Variants in CLVS1 observed in about 807,000 individuals in gnomAD.
The protein encoded by CLVS1 is clavesin 1, also known as clavesin-1.
CLVS1 carries 10 observed loss-of-function variants against 33.1 expected under a neutral mutation model. The observed-to-expected ratio is 0.30, with a 90% CI of 0.19 to 0.51. The LOEUF is 0.51. Ranked by LOEUF, CLVS1 falls within the 20% of genes least tolerant of loss-of-function variation. The pLI is 0.97. For missense variants in CLVS1, 343 were observed against 433.4 expected, an observed-to-expected ratio of 0.79 and a Z score of 1.85; for synonymous variants, 163 against 166.1, an observed-to-expected ratio of 0.98 and a Z score of 0.14.
chr8:61,041,027 G>A, the CLVS1 span, among the ~76,000 whole-genome samples: 2 of 152,018 alleles, frequency 1.3e-5, no homozygotes, highest in South Asian at 2.1e-4. Flanking sequence ...AAAGGTAGGG[G>A]TTCAGTTTCA....
At chr8:61,180,080 G>C (rs924369118) in intron 2 of CLVS1, among the ~76,000 whole-genome samples, 2 of 151,936 alleles carry the variant, frequency 1.3e-5, no homozygotes, top group African/African-American at 4.8e-5. Flanking sequence ...TAACAAAATA[G>C]ATAGACCACT....
chr8:61,399,438 G>A (rs1372638507), intron 3 of CLVS1, among the ~76,000 whole-genome samples: 1 of 151,958 alleles, frequency 6.6e-6, no homozygotes, highest in Non-Finnish European at 1.5e-5. Flanking sequence ...TGTAAATGCT[G>A]GACCTTTGTC....
intron 1 of CLVS1, among the ~76,000 whole-genome samples, chr8:61,108,217 C>CAAA (rs577723258): frequency 2.9e-5 from 2 of 69,072 alleles, no homozygotes; most frequent in East Asian, 4.0e-4. Flanking sequence ...GACTCCGTCT[C>CAAA]AAAAAAAAAA....
At chr8:60,987,074 C>T in the CLVS1 span, among the ~76,000 whole-genome samples, 4 of 152,198 alleles carry the variant, frequency 2.6e-5, no homozygotes, top group Non-Finnish European at 4.4e-5. Context: ...GACACAGTCC[C>T]TGCTCTCAGG....
intron 2 of CLVS1, among the ~76,000 whole-genome samples, chr8:61,302,469 T>C (rs968003707): frequency 2.0e-5 from 3 of 152,124 alleles, no homozygotes; most frequent in African/African-American, 7.2e-5. Flanking sequence ...GATGAGAACA[T>C]ACAATCCCTG....
chr8:61,259,408 A>T (rs375348263), intron 2 of CLVS1, among the ~76,000 whole-genome samples: 2 of 152,302 alleles, frequency 1.3e-5, no homozygotes, highest in East Asian at 3.9e-4. Flanking sequence ...AATTCCCAAA[A>T]CACAGCAGGT....
chr8:61,475,101 C>A (rs1252377091), intron 5 of CLVS1, among the ~76,000 whole-genome samples: 4 of 152,212 alleles, frequency 2.6e-5, no homozygotes, highest in Non-Finnish European at 5.9e-5. Context: ...CCAGCTTCAT[C>A]CATGTCCCTA....
intron 3 of CLVS1, among the ~76,000 whole-genome samples, chr8:61,416,546 G>A (rs544042333): frequency 1.3e-5 from 2 of 152,142 alleles, no homozygotes; most frequent in African/African-American, 4.8e-5. Flanking sequence ...ATGGGCATTA[G>A]CTCCATCAAA....
intron 2 of CLVS1, among the ~76,000 whole-genome samples, chr8:61,200,855 T>C (rs1414855523): frequency 6.6e-6 from 1 of 152,268 alleles, no homozygotes; most frequent in Non-Finnish European, 1.5e-5. Context: ...TTTGTTTTAC[T>C]CTTATTGATT....
chr8:61,458,212 A>G (rs1437292306), intron 4 of CLVS1, 95 bp from the exon 5 acceptor site: 2 of 857,584 alleles, frequency 2.3e-6, no homozygotes, highest in Non-Finnish European at 3.7e-6. Context: ...CCAGCAGTGC[A>G]TCCAATTTGT....
chr8:61,488,115 T>A (rs2016441), intron 5 of CLVS1, among the ~76,000 whole-genome samples: 83,251 of 152,044 alleles, frequency 0.55, 26,515 homozygotes, highest in Non-Finnish European at 0.71. Flanking sequence ...TTGGTAGTAG[T>A]AAAAAAGCTT....
intron 5 of CLVS1, among the ~76,000 whole-genome samples, chr8:61,486,584 G>C (rs935657206): frequency 6.6e-6 from 1 of 152,202 alleles, no homozygotes; most frequent in Non-Finnish European, 1.5e-5. Flanking sequence ...GTTGAATAAT[G>C]AAGTGTAGTG....
rs1300166395 is a variant in CLVS1, at chr8:61,156,291, G to A, written c.-152+24431G>A. On this transcript the variant is annotated intron_variant, in intron 2 of 2. Transcript: ENST00000522621. The stretch of plus-strand genomic sequence containing the variant: ...CATCACCTGGGTCTCCACCTCCCCC[G>A]AGAAGCTCTATGCCCCTATTCATTC... Among the ~76,000 whole-genome samples, 4 of 137,500 alleles carry A rather than the reference G, an allele frequency of 2.9e-5. No homozygotes were observed. In the East Asian group the frequency reaches 6.7e-4, roughly 23 times the overall value. The allele number at this position is 137,500 out of a possible 152,430, so 90.2% of individuals were successfully genotyped here.
rs543234622 is a variant in CLVS1, at chr8:61,178,676, G to C, written c.-152+46816G>C. ...AGCAGAAACCCTACAAGCCAGAAGA[G>C]AGTGAGGGCCAATATTCAACATTCT... On this transcript the variant is annotated intron_variant, in intron 2 of 2. Transcript: ENST00000522621. 5.3e-5 allele frequency among the ~76,000 whole-genome samples: 8 copies of C among 152,312 alleles called. No individual in the cohort carries two copies. In the South Asian group the frequency reaches 6.2e-4, roughly 12 times the overall value.
intron 5 of CLVS1, among the ~76,000 whole-genome samples, chr8:61,477,359 G>A (rs1817989421): frequency 6.6e-6 from 1 of 152,148 alleles, no homozygotes; most frequent in African/African-American, 2.4e-5. Flanking sequence ...GATTGGAATA[G>A]TTTCAGAAGG....
chr8:61,233,507 A>G (rs1195701644), intron 2 of CLVS1, among the ~76,000 whole-genome samples: 3 of 132,334 alleles, frequency 2.3e-5, no homozygotes, highest in African/African-American at 3.2e-5. Context: ...CAGACTCTGT[A>G]TCAAAAAAAA....
chr8:61,291,952 C>T (rs1012479916), intron 1 of CLVS1: 9 of 184,378 alleles, frequency 4.9e-5, no homozygotes, highest in African/African-American at 1.2e-4. Context: ...ATCCTCTGGA[C>T]CAGCTTTTCT....
At chr8:60,996,829 T>C in the CLVS1 span, among the ~76,000 whole-genome samples, 1 of 152,116 alleles carries the variant, frequency 6.6e-6, no homozygotes, top group Non-Finnish European at 1.5e-5. Context: ...AACCTCTGAC[T>C]CTCCAAGGCC....
At chr8:61,308,407 G>C (rs1333068877) in intron 2 of CLVS1, among the ~76,000 whole-genome samples, 1 of 152,040 alleles carries the variant, frequency 6.6e-6, no homozygotes, top group African/African-American at 2.4e-5. Context: ...AATATCCATG[G>C]AGCTTCTGAA....
Sources: gnomAD v4.1 joint callset for allele counts (sites outside exome capture counted in the v4.1 genomes callset) on GRCh38, gnomAD v4.1.1 for gene constraint, MANE v1.5 for transcripts, NCBI Gene and HGNC (gene_info 2026-07-23, HGNC 2026-07-21) for gene names.